Variants in CEP120 observed in about 807,000 individuals in gnomAD.
The protein encoded by CEP120 is centrosomal protein of 120 kDa.
A neutral mutation model predicts 126.5 loss-of-function variants in CEP120; 113 were observed. That is an observed-to-expected ratio of 0.89 (90% confidence interval 0.77 to 1.04). CEP120 has a LOEUF of 1.04. CEP120 is among the 50% of genes least tolerant of loss of function. The pLI is 0.00. For synonymous variants in CEP120, 400 were observed against 394.3 expected, an observed-to-expected ratio of 1.01 and a Z score of -0.17; for missense variants, 1,230 against 1,155.7, an observed-to-expected ratio of 1.06 and a Z score of -0.93.
In CEP120 at chr5:123,377,436, CTTGGTGAATACAGTCCTCT is replaced by C; in HGVS notation, c.2277_2295del (p.Glu760Ter). ...TTGATTTTTAACCTTTCTAGTTCTACTTGGTGAATACAGTCCTCTTTGGCCCTACGGATAGAGTCCTGCA... is the reference window on the plus strand; with the variant it reads ...TTGATTTTTAACCTTTCTAGTTCTACTTGGCCCTACGGATAGAGTCCTGCA... On this transcript the variant is annotated frameshift_variant, in exon 16 of 20. Coordinates refer to ENST00000306467, the MANE Select transcript of CEP120 (RefSeq NM_001375405.1). LOFTEE classifies it high-confidence loss of function. The C allele has an allele frequency of 6.2e-7, 1 of 1,611,462 alleles. No homozygotes were observed. Among genetic ancestry groups the C allele is most frequent in the South Asian group, 1.1e-5 (1 of 90,670 alleles).
intron 6 of CEP120, among the ~76,000 whole-genome samples, chr5:123,391,815 A>G (rs1580701755): frequency 6.6e-6 from 1 of 152,132 alleles, no homozygotes; most frequent in Admixed American, 6.6e-5. Context: ...CACCCATAAG[A>G]TATCTTGAAT....
upstream of CEP120, chr5:123,423,556 T>C (rs1196342351): frequency 6.4e-6 from 1 of 156,914 alleles, no homozygotes; most frequent in Admixed American, 6.1e-5. Context: ...GGCGACTTGG[T>C]GTGGGACCAG....
chr5:123,411,375 C>A (rs138938174), intron 4 of CEP120, among the ~76,000 whole-genome samples: 4 of 152,174 alleles, frequency 2.6e-5, no homozygotes, highest in Non-Finnish European at 4.4e-5. Context: ...TAAGAACCTG[C>A]ACACAGATGT....
intron 5 of CEP120, among the ~76,000 whole-genome samples, chr5:123,397,955 A>T (rs562917804): frequency 6.6e-6 from 1 of 152,180 alleles, no homozygotes; most frequent in Non-Finnish European, 1.5e-5. Context: ...GTGGTGGCAC[A>T]TGCCTATAAT....
At chr5:123,379,538 C>T (rs1771497881) in intron 14 of CEP120, among the ~76,000 whole-genome samples, 1 of 151,992 alleles carries the variant, frequency 6.6e-6, no homozygotes. Context: ...TAAAATGGTA[C>T]ATAACTACCA....
intron 15 of CEP120, among the ~76,000 whole-genome samples, 162 bp from the exon 16 acceptor site, chr5:123,377,697 TAA>T (rs1445111076): frequency 6.6e-6 from 1 of 152,164 alleles, no homozygotes; most frequent in Non-Finnish European, 1.5e-5. Flanking sequence ...TGTACCATTA[TAA>T]GTTTTCAATC....
intron 3 of CEP120, among the ~76,000 whole-genome samples, chr5:123,413,656 TAA>T (rs902293583): frequency 6.6e-5 from 10 of 152,348 alleles, no homozygotes; most frequent in African/African-American, 2.2e-4. Flanking sequence ...CTTTGTTATA[TAA>T]AGACATAATA....
intron 4 of CEP120, among the ~76,000 whole-genome samples, chr5:123,410,405 G>C (rs1773974702): frequency 6.6e-6 from 1 of 152,100 alleles, no homozygotes; most frequent in Non-Finnish European, 1.5e-5. Flanking sequence ...AAAAAGAATA[G>C]AGTCAGAGGA....
intron 6 of CEP120, among the ~76,000 whole-genome samples, chr5:123,391,623 T>A (rs1226607117): frequency 1.3e-5 from 2 of 152,134 alleles, no homozygotes; most frequent in Non-Finnish European, 2.9e-5. Context: ...GTCTCTTTGG[T>A]GAGCTACTTT....
intron 7 of CEP120, 188 bp from the exon 8 acceptor site, chr5:123,390,328 G>A (rs1168683915): frequency 3.0e-6 from 2 of 664,690 alleles, no homozygotes; most frequent in Non-Finnish European, 5.5e-6. Context: ...GATGAACAGA[G>A]GAAATATGAT....
At chr5:123,350,628 T>G (rs1769141941) in intron 18 of CEP120, among the ~76,000 whole-genome samples, 1 of 152,172 alleles carries the variant, frequency 6.6e-6, no homozygotes, top group South Asian at 2.1e-4. Flanking sequence ...TATACAAAGA[T>G]GTACCTAGAA....
rs1427959700 is a variant in CEP120 at position 123,373,831 on chromosome 5, C to T, written c.2359-1059G>A. Reference sequence around the variant, plus strand: ...CTGTTTCCTTTTTCCCAGAGACCCCCAGCCCCCAGCAGCAGTGGTCAACCT... The same window carrying T: ...CTGTTTCCTTTTTCCCAGAGACCCCTAGCCCCCAGCAGCAGTGGTCAACCT... On this transcript the variant is annotated intron_variant, in intron 16 of 19. Transcript: ENST00000306467. 3.9e-5 allele frequency among the ~76,000 whole-genome samples: 6 copies of T among 152,018 alleles called. No homozygotes were observed. The East Asian group carries it at 1.2e-3, about 29-fold the overall frequency.
Position 123,391,136 on chromosome 5 carries a change from G to A in CEP120, c.1012C>T (p.Leu338=), listed in dbSNP as rs1772367245. ...LAPTVGVSVA[L]QREGIDSQSL... ...TGGGAGTCTATGCCTTCTCTCTGCA[G>A]AGCCACAGACACTCCCACAGTTGGG... The change falls in exon 7 of 20, where the codon CTG becomes TTG. Residue 338 remains leucine, a synonymous_variant. Coordinates refer to ENST00000306467, the MANE Select transcript of CEP120 (RefSeq NM_001375405.1). 1 of 1,613,968 alleles carries A rather than the reference G, an allele frequency of 6.2e-7. No individual in the cohort carries two copies. The highest frequency in any genetic ancestry group is 1.1e-5 in the South Asian group (1 of 91,064).
rs1771320154 is a variant in CEP120, at chr5:123,377,488, C to A, written c.2244G>T (p.Leu748=). 6.2e-7 allele frequency: 1 copy of A among 1,601,408 alleles called. No individual in the cohort carries two copies. Among genetic ancestry groups the A allele is most frequent in the Non-Finnish European group, 8.5e-7 (1 of 1,177,208 alleles). Residue 748 remains leucine (L), a synonymous_variant, in exon 16 of 20, where the codon CTG becomes CTT. Coordinates refer to ENST00000306467, the MANE Select transcript of CEP120 (RefSeq NM_001375405.1). ...KELQSERQRN[L]QELQDSIRRA... is the part of the protein sequence containing the mutation. ...TACGGATAGAGTCCTGCAGTTCTTG[C>A]AGGTTCCGCTGACGTTCTGATTGCA... is the stretch of plus-strand genomic sequence containing the variant.
At chr5:123,394,109 C>A (rs1009727400) in intron 5 of CEP120, among the ~76,000 whole-genome samples, 5 of 152,302 alleles carry the variant, frequency 3.3e-5, no homozygotes, top group Middle Eastern at 3.4e-3. Context: ...TATTTTCTAA[C>A]AGACCTTTAA....
chr5:123,370,498 A>G lies in CEP120; in HGVS notation c.2481+2152T>C, dbSNP rs559114914. On this transcript the variant is annotated intron_variant, in intron 17 of 19. Transcript: ENST00000306467. ...TTGTTTTTGTTTTTGTTTTTTTGAG[A>G]TAAGTTCTTGCTCTGTCACCCAGGA... Among the ~76,000 whole-genome samples the G allele has an allele frequency of 2.0e-5, 3 of 151,354 alleles. No homozygotes were observed. The East Asian group carries it at 5.9e-4, about 30-fold the overall frequency.
At chr5:123,349,030 C>A (rs1254382859) in intron 19 of CEP120, among the ~76,000 whole-genome samples, 1 of 152,022 alleles carries the variant, frequency 6.6e-6, no homozygotes, top group Non-Finnish European at 1.5e-5. Context: ...ATATACTAGA[C>A]CCTTGATAAA....
intron 4 of CEP120, among the ~76,000 whole-genome samples, chr5:123,405,239 G>A (rs551809481): frequency 3.4e-4 from 51 of 148,794 alleles, no homozygotes; most frequent in African/African-American, 1.2e-3. Flanking sequence ...TGAACTGCTA[G>A]TAGCTTGGTG....
chr5:123,391,414 G>T, intron 6 of CEP120, 77 bp from the exon 7 acceptor site: 1 of 1,150,666 alleles, frequency 8.7e-7, no homozygotes, highest in Non-Finnish European at 1.3e-6. Flanking sequence ...TTAATAAGAA[G>T]TTGTAAAATG....
Sources: allele counts gnomAD v4.1 joint callset (sites outside exome capture counted in the v4.1 genomes callset), GRCh38; gene constraint gnomAD v4.1.1; transcripts MANE v1.5; gene names NCBI Gene and HGNC (gene_info 2026-07-23, HGNC 2026-07-21).